The following FBXL13 variants were observed in gnomAD, a reference collection of about 807,000 sequenced individuals.
FBXL13 encodes the protein F-box and leucine rich repeat protein 13.
In FBXL13, 67 loss-of-function variants were observed where a neutral mutation model predicts 83.6. The ratio of observed to expected loss-of-function variants is 0.80; its 90% confidence interval spans 0.66 to 0.98. The LOEUF (loss-of-function observed/expected upper bound fraction) is 0.98, where lower values mean the gene tolerates loss of function less well. Among genes scored for constraint, FBXL13 ranks in the 50% least tolerant of loss-of-function variants. The probability of loss-of-function intolerance (pLI) is 0.00; values close to 1 mark genes in which losing one functional copy is unlikely to be tolerated. For synonymous variants in FBXL13, 272 were observed against 299.5 expected, an observed-to-expected ratio of 0.91 and a Z score of 0.95; for missense variants, 822 against 866.5, an observed-to-expected ratio of 0.95 and a Z score of 0.64.
At chr7:103,005,457 T>C (rs954057095) in intron 6 of FBXL13, among the ~76,000 whole-genome samples, 1 of 152,194 alleles carries the variant, frequency 6.6e-6, no homozygotes, top group African/African-American at 2.4e-5. Flanking sequence ...AGAGTTGTTT[T>C]AGTCTGCTTA....
intron 8 of FBXL13, chr7:102,944,664 A>C (rs878986971): frequency 4.2e-6 from 6 of 1,428,282 alleles, no homozygotes; most frequent in Admixed American, 2.2e-5. Context: ...GTGTTAGAAA[A>C]CATATGTTTA....
chr7:102,881,743 G>A (rs1195909551), intron 14 of FBXL13, among the ~76,000 whole-genome samples: 2 of 152,158 alleles, frequency 1.3e-5, no homozygotes, highest in Non-Finnish European at 2.9e-5. Flanking sequence ...TAGTCAAGAT[G>A]CCAGCTGGAG....
chr7:102,944,107 G>C lies in FBXL13; in HGVS notation c.725-12174C>G, dbSNP rs965246060. The C allele has an allele frequency of 1.0e-4, 88 of 871,868 alleles. 1 individual carries two copies. In the Middle Eastern group the frequency reaches 4.1e-3, roughly 41 times the overall value. The allele number at this position is 871,868 out of a possible 1,614,324, so 54.0% of individuals were successfully genotyped here. On this transcript the variant is annotated intron_variant, in intron 8 of 19. Coordinates refer to ENST00000313221, the Ensembl canonical transcript of FBXL13. ...AAAAGAAATCTCTTTATTTTCAAAG[G>C]GGAAAATTAAGCCTCTTTTTAAAAT...
At chr7:102,905,646 C>A (rs1255631123) in intron 11 of FBXL13, among the ~76,000 whole-genome samples, 1 of 152,000 alleles carries the variant, frequency 6.6e-6, no homozygotes, top group Non-Finnish European at 1.5e-5. Flanking sequence ...CTACTTATTC[C>A]TGCTATTTTG....
At chr7:103,018,374 CA>C (rs1053204002) in intron 6 of FBXL13, among the ~76,000 whole-genome samples, 1 of 152,094 alleles carries the variant, frequency 6.6e-6, no homozygotes. Context: ...AAAAACATGC[CA>C]AATTGGAAAA....
At chr7:103,012,957 A>T (rs1243901415) in intron 6 of FBXL13, among the ~76,000 whole-genome samples, 1 of 152,248 alleles carries the variant, frequency 6.6e-6, no homozygotes, top group Non-Finnish European at 1.5e-5. Flanking sequence ...AAATTTACCA[A>T]GCAAAAAGAA....
intron 16 of FBXL13, among the ~76,000 whole-genome samples, chr7:102,871,112 G>A (rs1231879230): frequency 2.6e-5 from 4 of 151,892 alleles, no homozygotes; most frequent in African/African-American, 7.3e-5. Flanking sequence ...CTGATGTTCT[G>A]CTATGTTCTT....
intron 11 of FBXL13, among the ~76,000 whole-genome samples, chr7:102,893,166 G>C (rs1050633054): frequency 6.6e-6 from 1 of 152,122 alleles, no homozygotes; most frequent in Non-Finnish European, 1.5e-5. Flanking sequence ...CTCTTCCAAG[G>C]ACCAGACTTC....
At chr7:102,888,961 TAATACC>T (rs1201809385) in intron 11 of FBXL13, among the ~76,000 whole-genome samples, 1 of 152,184 alleles carries the variant, frequency 6.6e-6, no homozygotes, top group Non-Finnish European at 1.5e-5. Context: ...ATGAGCATAA[TAATACC>T]CATTTTAGGA....
At position 102,931,910 on chromosome 7, in the gene FBXL13, AC is replaced by A; in HGVS notation, c.747del (p.Glu249AspfsTer2). On this transcript the variant is annotated frameshift_variant, in exon 9 of 20. Transcript: ENST00000313221. LOFTEE classifies it high-confidence loss of function. The stretch of plus-strand genomic sequence containing the variant: ...AATGTTGGGCAGTCAGAGACATTCA[AC>A]TCTTGCAAGTTCCTACAGTGGCCTA... 1.9e-6 allele frequency: 3 copies of A among 1,613,552 alleles called. No individual in the cohort carries two copies. The highest frequency in any genetic ancestry group is 2.5e-6 in the Non-Finnish European group (3 of 1,179,728).
chr7:102,812,769 A>C (rs929875930), downstream of FBXL13, among the ~76,000 whole-genome samples: 2 of 151,762 alleles, frequency 1.3e-5, no homozygotes, highest in Non-Finnish European at 2.9e-5. Context: ...TAGATTTTAT[A>C]ATCTCATCAA....
At chr7:102,871,923 C>A (rs1328188718) in intron 16 of FBXL13, among the ~76,000 whole-genome samples, 5 of 152,084 alleles carry the variant, frequency 3.3e-5, no homozygotes, top group Non-Finnish European at 5.9e-5. Flanking sequence ...TCCCTCCCTG[C>A]CCCCAGTCCT....
chr7:102,847,651 G>A (rs778578316), intron 17 of FBXL13, among the ~76,000 whole-genome samples: 24 of 151,702 alleles, frequency 1.6e-4, no homozygotes, highest in South Asian at 2.1e-4. Flanking sequence ...CTCAGCCTCC[G>A]GAGTAGCTGG....
intron 17 of FBXL13, among the ~76,000 whole-genome samples, chr7:102,846,505 G>A (rs567878038): frequency 6.7e-6 from 1 of 149,454 alleles, no homozygotes; most frequent in Non-Finnish European, 1.5e-5. Flanking sequence ...TGTAATCCCA[G>A]CTACTTGGAA....
intron 9 of FBXL13, among the ~76,000 whole-genome samples, chr7:102,929,460 G>C (rs1331296552): frequency 1.3e-5 from 2 of 151,904 alleles, no homozygotes; most frequent in Non-Finnish European, 2.9e-5. Flanking sequence ...TCAGGAGTTC[G>C]AGACCAGCCT....
At chr7:102,938,997 T>G (rs1362112509) in intron 8 of FBXL13, among the ~76,000 whole-genome samples, 4 of 152,216 alleles carry the variant, frequency 2.6e-5, no homozygotes, top group African/African-American at 9.6e-5. Context: ...TCATAAACAT[T>G]TTTTTCGACC....
At chr7:103,000,570 G>A (rs1360522287) in intron 6 of FBXL13, among the ~76,000 whole-genome samples, 1 of 152,222 alleles carries the variant, frequency 6.6e-6, no homozygotes, top group Non-Finnish European at 1.5e-5. Context: ...GCAGCAGTGA[G>A]ATGAAATGTT....
chr7:103,030,474 C>T (rs1794389293), intron 2 of FBXL13, among the ~76,000 whole-genome samples: 1 of 152,006 alleles, frequency 6.6e-6, no homozygotes, highest in Admixed American at 6.5e-5. Flanking sequence ...TTACAGCAGG[C>T]AGAATAAAAA....
intron 6 of FBXL13, among the ~76,000 whole-genome samples, chr7:102,975,013 T>C (rs1252764871): frequency 6.6e-6 from 1 of 152,072 alleles, no homozygotes; most frequent in East Asian, 1.9e-4. Flanking sequence ...CGCCCCTATC[T>C]ATCCTCCACT....
Sources: allele counts gnomAD v4.1 joint callset (sites outside exome capture counted in the v4.1 genomes callset), GRCh38; gene constraint gnomAD v4.1.1; transcripts MANE v1.5; gene names NCBI Gene and HGNC (gene_info 2026-07-23, HGNC 2026-07-21).